Variants in DNMT1 observed in about 807,000 individuals in gnomAD.
DNMT1 encodes the protein DNA (cytosine-5)-methyltransferase 1.
A neutral mutation model predicts 205.3 loss-of-function variants in DNMT1; 24 were observed. The observed-to-expected ratio is 0.12, with a 90% confidence interval of 0.08 to 0.16. DNMT1 has a LOEUF of 0.16. Among genes scored for constraint, DNMT1 ranks in the 10% least tolerant of loss-of-function variants. The pLI, the probability that DNMT1 is intolerant of heterozygous loss-of-function variation, is 1.00. For synonymous variants in DNMT1, 817 were observed against 839.8 expected (o/e 0.97, Z 0.47); for missense variants, 1,293 against 2,177.7 (o/e 0.59, Z 8.09).
At chr19:10,173,835 G>A (rs766125139) in intron 8 of DNMT1, 36 bp downstream of exon 8, 60 of 1,610,976 alleles carry the variant, frequency 3.7e-5, no homozygotes, top group Admixed American at 1.2e-4. Context: ...TACACAACTC[G>A]TAGAACAAAA....
chr19:10,167,189 T>C (rs566661860), intron 10 of DNMT1, among the ~76,000 whole-genome samples: 1 of 152,212 alleles, frequency 6.6e-6, no homozygotes, highest in South Asian at 2.1e-4. Flanking sequence ...TGTTTTCTTT[T>C]TCTTTTTTCC....
intron 28 of DNMT1, among the ~76,000 whole-genome samples, chr19:10,145,702 C>T (rs574834461): frequency 6.6e-6 from 1 of 152,222 alleles, no homozygotes; most frequent in Admixed American, 6.5e-5. Context: ...ACCCTTCGAG[C>T]CCCAGCAGGC....
At chr19:10,155,261 T>C (rs964989558) in intron 19 of DNMT1, among the ~76,000 whole-genome samples, 8 of 152,086 alleles carry the variant, frequency 5.3e-5, no homozygotes, top group African/African-American at 1.9e-4. Flanking sequence ...GAAGACTAGC[T>C]GAGTAGGCCT....
Position 10,139,916 on chromosome 19 carries a change from C to T in DNMT1, c.3807-99G>A. On this transcript the variant is annotated intron_variant, in intron 33 of 40. Coordinates refer to ENST00000359526, the MANE Select transcript of DNMT1 (RefSeq NM_001130823.3). ...CCCCTCACGAATGTTATCAAAGTCT[C>T]TCCCTGGTGAGAGCTGAGCTGTGAG... 7.0e-6 allele frequency: 11 copies of T among 1,577,096 alleles called. No homozygotes were observed. In the South Asian group the frequency reaches 1.3e-4, roughly 18 times the overall value.
chr19:10,166,535 C>G (rs900494581), intron 11 of DNMT1, 63 bp downstream of exon 11: 1 of 1,605,484 alleles, frequency 6.2e-7, no homozygotes, highest in East Asian at 2.2e-5. Flanking sequence ...CTGCGCACTC[C>G]CGCCCAAGCA....
At chr19:10,160,255 G>T in intron 14 of DNMT1, 129 bp downstream of exon 14, 1 of 1,533,352 alleles carries the variant, frequency 6.5e-7, no homozygotes, top group Non-Finnish European at 8.9e-7. Flanking sequence ...TTGGTCCTAT[G>T]TTCACCAACC....
Position 10,154,557 on chromosome 19 carries a change from C to CTTCA in DNMT1, c.1832+25_1832+28dup. The CTTCA allele has an allele frequency of 1.2e-6, 2 of 1,613,858 alleles. No individual in the cohort carries two copies. The highest frequency in any genetic ancestry group is 2.2e-5 in the South Asian group (2 of 91,074). ...TGCTCTACCCTCCCCGGTCTCCAGT[C>CTTCA]TTCACTCTGGTCCCTGCCGCATCCT... On this transcript the variant is annotated intron_variant, in intron 21 of 40. Transcript: ENST00000359526. The surrounding 1 kb of genome is among the most constrained non-coding windows in gnomAD (Gnocchi z 6.3).
rs773200699 is a variant in DNMT1 at position 10,180,397 on chromosome 19, G to A, written c.398C>T (p.Ser133Phe). The change falls in exon 4 of 41, where the codon TCC becomes TTC. Residue 133 changes from serine to phenylalanine, a missense_variant. By Grantham distance (155) the Ser-to-Phe change is radical. Around this residue, in one of 13 missense-constraint regions of DNMT1, gnomAD observed 394 missense variants for 451.6 expected, o/e 0.87. Transcript: ENST00000359526. ...ADANSPPKPL[S>F]KPRTPRRSKS... ...GCTCCTCCTGGGCGTGCGAGGTTTGGAAAGGGGTTTGGGGGGGCTGTTGGC... is the reference window on the plus strand; with the variant it reads ...GCTCCTCCTGGGCGTGCGAGGTTTGAAAAGGGGTTTGGGGGGGCTGTTGGC... The A allele has an allele frequency of 1.9e-6, 3 of 1,613,954 alleles. No homozygotes were observed. The East Asian group carries it at 6.7e-5, about 36-fold the overall frequency.
rs767793246 is a variant in DNMT1 at position 10,138,021 on chromosome 19, G to T, written c.4116-12C>A. The T allele has an allele frequency of 3.1e-6, 5 of 1,608,046 alleles. No individual in the cohort carries two copies. The South Asian group carries it at 4.4e-5, about 14-fold the overall frequency. On this transcript the variant is annotated splice_polypyrimidine_tract_variant and intron_variant, in intron 35 of 40. Transcript: ENST00000359526. The surrounding 1 kb of genome is among the most constrained non-coding windows in gnomAD (Gnocchi z 4.1). ...GACCCGAGCTCAACCTGCAACAGAG[G>T]AGGAGGTCAACACCTCTGGAGATGC...
intron 9 of DNMT1, among the ~76,000 whole-genome samples, chr19:10,169,683 G>A (rs893784221): frequency 9.2e-5 from 14 of 151,854 alleles, no homozygotes; most frequent in African/African-American, 3.4e-4. Context: ...GGAGAATGGC[G>A]TGAACCTGGG....
At position 10,159,395 on chromosome 19, in the gene DNMT1, C is replaced by T. The variant is rs551569159; in HGVS notation, c.1280+263G>A. ...CACACCTGGCTACTTTTTGTATTTTCGGTAGGTTTCGCCATGTTGGCCAGG... is the reference window on the plus strand; with the variant it reads ...CACACCTGGCTACTTTTTGTATTTTTGGTAGGTTTCGCCATGTTGGCCAGG... On this transcript the variant is annotated intron_variant, in intron 17 of 40. Coordinates refer to ENST00000359526, the MANE Select transcript of DNMT1 (RefSeq NM_001130823.3). This position sits in a 1 kb window ranked among gnomAD's most constrained non-coding sequence, Gnocchi z 5.0. Among the ~76,000 whole-genome samples, 13 of 152,050 alleles carry T rather than the reference C, an allele frequency of 8.5e-5. No individual in the cohort carries two copies. The highest frequency in any genetic ancestry group is 1.3e-4 in the Non-Finnish European group (9 of 67,994).
chr19:10,172,939 T>TAAAC (rs1352237786), intron 9 of DNMT1, 151 bp downstream of exon 9: 3 of 864,434 alleles, frequency 3.5e-6, no homozygotes, highest in Admixed American at 2.1e-5. Context: ...GTTTGAAAGG[T>TAAAC]GTTTAGCCAA....
At chr19:10,134,116 G>T in intron 40 of DNMT1, 101 bp downstream of exon 40, 3 of 1,295,130 alleles carry the variant, frequency 2.3e-6, no homozygotes, top group Non-Finnish European at 3.4e-6. Context: ...TAGGTGACCC[G>T]CCTGAGTCCC....
intron 26 of DNMT1, among the ~76,000 whole-genome samples, 169 bp from the exon 27 acceptor site, chr19:10,149,186 G>A (rs925368971): frequency 3.5e-5 from 5 of 141,648 alleles, no homozygotes; most frequent in Non-Finnish European, 6.2e-5. Flanking sequence ...TTAGCTGGAC[G>A]TGATGGTGGG....
At chr19:10,148,116 C>CA (rs35310173) in intron 27 of DNMT1, among the ~76,000 whole-genome samples, 6,006 of 59,272 alleles carry the variant, frequency 0.1, 275 homozygotes, top group Non-Finnish European at 0.12. Context: ...AACTCTGTCT[C>CA]AAAAAAAAAA....
At chr19:10,135,140 G>A (rs1050697088) in intron 39 of DNMT1, among the ~76,000 whole-genome samples, 3 of 151,628 alleles carry the variant, frequency 2.0e-5, no homozygotes, top group African/African-American at 7.3e-5. Flanking sequence ...TAAAACCAGG[G>A]GGGTGGAAGT....
intron 1 of DNMT1, among the ~76,000 whole-genome samples, chr19:10,182,449 ATG>A (rs2039077245): frequency 8.0e-6 from 1 of 125,074 alleles, no homozygotes; most frequent in Non-Finnish European, 1.7e-5. Flanking sequence ...ATACATATAT[ATG>A]TGTATATATA....
At position 10,135,856 on chromosome 19, in the gene DNMT1, G is replaced by A. The variant is rs1465773463; in HGVS notation, c.4657-4C>T. Reference sequence around the variant, plus strand: ...GCTCTGGGTGGAGCACGCGGCCCTGGGGGAAAGAGGCGCGGTGGGCGAGGG... The same window carrying A: ...GCTCTGGGTGGAGCACGCGGCCCTGAGGGAAAGAGGCGCGGTGGGCGAGGG... On this transcript the variant is annotated splice_region_variant and splice_polypyrimidine_tract_variant and intron_variant, in intron 38 of 40. Coordinates refer to ENST00000359526, the MANE Select transcript of DNMT1 (RefSeq NM_001130823.3). The A allele has an allele frequency of 1.3e-6, 2 of 1,548,198 alleles. No individual in the cohort carries two copies. Among genetic ancestry groups the A allele is most frequent in the Admixed American group, 1.9e-5 (1 of 51,316 alleles).
intron 27 of DNMT1, among the ~76,000 whole-genome samples, chr19:10,148,240 T>C (rs1055305092): frequency 2.0e-5 from 3 of 151,234 alleles, no homozygotes; most frequent in Admixed American, 1.3e-4. Context: ...CTCACGCCTG[T>C]AATCCCAGCA....
Sources: gnomAD v4.1 joint callset for allele counts (sites outside exome capture counted in the v4.1 genomes callset) on GRCh38, gnomAD v4.1.1 for gene constraint, gnomAD v4.1.1 regional missense constraint, Gnocchi (gnomAD v3.1) non-coding constraint, MANE v1.5 for transcripts, NCBI Gene and HGNC (gene_info 2026-07-23, HGNC 2026-07-21) for gene names.